The following GREP1 variants were observed in gnomAD, a reference collection of about 807,000 sequenced individuals.
GREP1 encodes the protein glycine-rich extracellular protein 1.
chr16:2,996,375 T>TG (rs1246951665), intron 18 of GREP1, 121 bp from the exon 18 acceptor site: 2 of 397,552 alleles, frequency 5.0e-6, no homozygotes, highest in East Asian at 7.1e-5. Flanking sequence ...TCTGTAGGCC[T>TG]GGGAGGGGGA....
intron 21 of GREP1, 185 bp downstream of exon 20, chr16:2,997,270 A>T: frequency 2.5e-6 from 1 of 398,640 alleles, no homozygotes; most frequent in Non-Finnish European, 4.4e-6. Flanking sequence ...AAAATGAGGG[A>T]GGAGAGGTGG....
At chr16:2,988,935 G>C in intron 2 of GREP1, 1 of 348,398 alleles carries the variant, frequency 2.9e-6, no homozygotes, top group South Asian at 1.5e-4. Flanking sequence ...GGGAGAGGAG[G>C]GAGGGGACAA....
chr16:3,000,750 C>T (rs1210432414), exon 33 of GREP1: 1 of 398,878 alleles, frequency 2.5e-6, no homozygotes, highest in African/African-American at 2.1e-5. Context: ...CGCTGGCCCA[C>T]CCTCCAGGCC....
At chr16:2,998,286 G>A (rs1277381359) in intron 23 of GREP1, 70 bp from the exon 22 acceptor site, 1 of 398,948 alleles carries the variant, frequency 2.5e-6, no homozygotes, top group East Asian at 3.6e-5. Flanking sequence ...GATCAGCAGG[G>A]GAGAGAGGGG....
At chr16:2,988,718 A>G (rs980606018) in intron 2 of GREP1, 96 bp downstream of exon 2, 13 of 398,672 alleles carry the variant, frequency 3.3e-5, no homozygotes, top group African/African-American at 2.7e-4. Flanking sequence ...TGCGGGGCCC[A>G]GGAGAGCTCA....
In GREP1 at chr16:3,001,352, T is replaced by C. The variant is rs1176535122; in HGVS notation, c.1585+18T>C. On this transcript the variant is annotated intron_variant, in intron 34 of 34. Coordinates refer to ENST00000573315, the Ensembl canonical transcript of GREP1. ...CTACGGAGGTGAGAGGGAGGCGCAA[T>C]GGCCGAGCCGCCTGCCCAAAGGCCC... 1 of 398,968 alleles carries C rather than the reference T, an allele frequency of 2.5e-6. No individual in the cohort carries two copies. Among genetic ancestry groups the C allele is most frequent in the African/African-American group, 2.1e-5 (1 of 48,608 alleles). 24.7% of individuals were successfully genotyped at this position (398,968 alleles called of 1,614,324 possible).
chr16:2,989,722 C>G lies in GREP1; in HGVS notation c.130+170C>G, dbSNP rs528266530. Among the ~76,000 whole-genome samples, 22 of 151,820 alleles carry G rather than the reference C, an allele frequency of 1.4e-4. No individual in the cohort carries two copies. Among genetic ancestry groups the G allele is most frequent in the African/African-American group, 5.1e-4 (21 of 41,392 alleles). On this transcript the variant is annotated intron_variant, in intron 3 of 34. Coordinates refer to ENST00000573315, the Ensembl canonical transcript of GREP1. The surrounding 1 kb of genome is among the most constrained non-coding windows in gnomAD (Gnocchi z 4.2). ...CCAGAGTGTCCCCCAGGCACCCTGG[C>G]TGGGGAGAGGGGAAGGCAGGCAGGA...
exon 2 of GREP1, chr16:2,988,606 T>G (rs2072383110): frequency 5.0e-6 from 2 of 399,196 alleles, no homozygotes; most frequent in Non-Finnish European, 8.8e-6. Context: ...CCCTTCTGCC[T>G]CCTGGCCTGG....
At chr16:2,999,838 C>T in intron 27 of GREP1, 64 bp from the exon 25 acceptor site, 1 of 399,066 alleles carries the variant, frequency 2.5e-6, no homozygotes, top group Non-Finnish European at 4.4e-6. Context: ...TAAGGTCGAT[C>T]TTTGGCCTCC....
chr16:2,988,454 G>T, intron 1 of GREP1, 114 bp downstream of exon 1: 1 of 399,278 alleles, frequency 2.5e-6, no homozygotes. Flanking sequence ...GGAGGGCTGG[G>T]GTGTGGAAAG....
chr16:3,001,720 A>C (rs1567400005), exon 35 of GREP1: 4 of 398,540 alleles, frequency 1.0e-5, no homozygotes, highest in East Asian at 7.1e-5. Context: ...CGTGCCATGC[A>C]AGGGGCTTGC....
At chr16:3,001,254 C>A in intron 33 of GREP1, 27 bp from the exon 28 acceptor site, 4 of 399,208 alleles carry the variant, frequency 1.0e-5, no homozygotes, top group Middle Eastern at 6.3e-4. Flanking sequence ...GACCCGAGTG[C>A]TCCTGGTCTG....
intron 7 of GREP1, 53 bp from the exon 7 acceptor site, chr16:2,990,995 C>G: frequency 2.5e-6 from 1 of 399,284 alleles, no homozygotes; most frequent in Non-Finnish European, 4.4e-6. Flanking sequence ...GTCTCTGTCT[C>G]TGCTTGACGC....
intron 5 of GREP1, 109 bp from the exon 6 acceptor site, chr16:2,990,441 CCT>C (rs538671531): frequency 8.8e-5 from 35 of 399,106 alleles, no homozygotes; most frequent in East Asian, 8.2e-4. Context: ...ATCTGATCCC[CCT>C]CTCTTTCCCA....
chr16:3,001,915 G>GA (rs2072464211), exon 35 of GREP1: 1 of 338,564 alleles, frequency 3.0e-6, no homozygotes, highest in South Asian at 1.5e-4. Context: ...CCTAGCGGGG[G>GA]AACCACATCC....
In GREP1 at chr16:2,998,296, G is replaced by T. The variant is rs2072437675; in HGVS notation, c.950-60G>T. On this transcript the variant is annotated intron_variant, in intron 23 of 34. Transcript: ENST00000573315. ...AGGGGGATCAGCAGGGGAGAGAGGG[G>T]TTCACTACACTCCTCGGGTGGGCTG... 8 of 399,030 alleles carry T rather than the reference G, an allele frequency of 2.0e-5. No homozygotes were observed. The East Asian group carries it at 2.9e-4, about 14-fold the overall frequency. The allele number at this position is 399,030 out of a possible 1,614,324, so 24.7% of individuals were successfully genotyped here. A position where few individuals can be genotyped will look rare whatever the true frequency, so the allele number is the denominator to read the frequency against.
chr16:2,993,287 A>G, intron 10 of GREP1: 1 of 211,972 alleles, frequency 4.7e-6, no homozygotes, highest in Non-Finnish European at 9.3e-6. Context: ...AAAGGCTCAG[A>G]GAGCAGGCGA....
At chr16:3,000,634 G>A in intron 32 of GREP1, 80 bp from the exon 27 acceptor site, 1 of 398,896 alleles carries the variant, frequency 2.5e-6, no homozygotes, top group Non-Finnish European at 4.4e-6. Flanking sequence ...AGCCTTCTGG[G>A]AGCAGAGCCA....
At chr16:2,988,797 C>T (rs1413505182) in intron 2 of GREP1, among the ~76,000 whole-genome samples, 175 bp downstream of exon 2, 2 of 152,128 alleles carry the variant, frequency 1.3e-5, no homozygotes, top group Non-Finnish European at 2.9e-5. Flanking sequence ...GCACAGACAC[C>T]CTGCACTCTC....
Sources: gnomAD v4.1 joint callset for allele counts (sites outside exome capture counted in the v4.1 genomes callset) on GRCh38, gnomAD v4.1.1 for gene constraint, Gnocchi (gnomAD v3.1) non-coding constraint, MANE v1.5 for transcripts, NCBI Gene and HGNC (gene_info 2026-07-23, HGNC 2026-07-21) for gene names.